Variants in ZMYM4 observed in about 807,000 individuals in gnomAD.
ZMYM4 encodes zinc finger MYM-type containing 4.
ZMYM4 carries 31 observed loss-of-function variants against 183.2 expected under a neutral mutation model. The observed-to-expected ratio is 0.17, with a 90% CI of 0.13 to 0.23. The LOEUF is 0.23. Among genes scored for constraint, ZMYM4 ranks in the 10% least tolerant of loss-of-function variants. The pLI is 1.00. For synonymous variants in ZMYM4, 592 were observed against 631.2 expected, an observed-to-expected ratio of 0.94 and a Z score of 0.93; for missense variants, 1,273 against 1,840.3, an observed-to-expected ratio of 0.69 and a Z score of 5.64.
intron 23 of ZMYM4, among the ~76,000 whole-genome samples, chr1:35,403,297 C>T (rs1644944322): frequency 6.6e-6 from 1 of 151,686 alleles, no homozygotes; most frequent in Non-Finnish European, 1.5e-5. Context: ...TGTTGTTGTT[C>T]TGTTTTGAGA....
At chr1:35,304,886 C>T (rs1395913940) in intron 1 of ZMYM4, among the ~76,000 whole-genome samples, 1 of 151,142 alleles carries the variant, frequency 6.6e-6, no homozygotes, top group Non-Finnish European at 1.5e-5. Flanking sequence ...TTGCTCTGTC[C>T]CCAGGCTGGA....
intron 2 of ZMYM4, among the ~76,000 whole-genome samples, chr1:35,355,048 A>G (rs868415202): frequency 1.3e-4 from 20 of 151,296 alleles, no homozygotes; most frequent in Middle Eastern, 6.8e-3. Context: ...TTTATTTTTT[A>G]TTTTTGAGAC....
chr1:35,407,903 C>T lies in ZMYM4; in HGVS notation c.3797-105C>T, dbSNP rs893214672. On this transcript the variant is annotated intron_variant, in intron 25 of 29. Transcript: ENST00000314607. ...TTTAATCCATATACCCACTAGTCTG[C>T]ACCGCAGTGCCTGGAGCACAGTAGT... 2.8e-6 allele frequency: 4 copies of T among 1,421,822 alleles called. No individual in the cohort carries two copies. The African/African-American group carries it at 5.7e-5, about 20-fold the overall frequency. The allele number at this position is 1,421,822 out of a possible 1,614,324, so 88.1% of individuals were successfully genotyped here. A position where few individuals can be genotyped will look rare whatever the true frequency, so the allele number is the denominator to read the frequency against.
intron 13 of ZMYM4, among the ~76,000 whole-genome samples, chr1:35,387,868 A>C (rs16837316): frequency 6.6e-6 from 1 of 152,136 alleles, no homozygotes; most frequent in South Asian, 2.1e-4. Context: ...TAGGTTCCCC[A>C]TTATTAGGTT....
chr1:35,346,209 T>C (rs974552423), intron 2 of ZMYM4, among the ~76,000 whole-genome samples: 4 of 152,218 alleles, frequency 2.6e-5, no homozygotes, highest in African/African-American at 7.2e-5. Flanking sequence ...TTCTACCTTT[T>C]AGCTATTGTG....
intron 1 of ZMYM4, among the ~76,000 whole-genome samples, chr1:35,318,507 G>A (rs1241445901): frequency 6.6e-6 from 1 of 152,100 alleles, no homozygotes; most frequent in African/African-American, 2.4e-5. Flanking sequence ...ACCCAGGCTG[G>A]AGTACAGTGG....
At chr1:35,319,637 A>G (rs182337273) in intron 1 of ZMYM4, among the ~76,000 whole-genome samples, 449 of 152,252 alleles carry the variant, frequency 2.9e-3, no homozygotes, top group Middle Eastern at 0.024. Context: ...AATTTTTCCA[A>G]AACAAATTTC....
chr1:35,393,450 A>G lies in ZMYM4; in HGVS notation c.2767-145A>G, dbSNP rs546588712. 65 of 675,616 alleles carry G rather than the reference A, an allele frequency of 9.6e-5. No individual in the cohort carries two copies. The South Asian group carries it at 1.9e-3, about 19-fold the overall frequency. 41.9% of individuals were successfully genotyped at this position (675,616 alleles called of 1,614,324 possible). A position where few individuals can be genotyped will look rare whatever the true frequency, so the allele number is the denominator to read the frequency against. ...ACTATTAATATTTTAGGAGTATTGTATTTCTTATACATTTGGTTGAATATT... is the reference window on the plus strand; with the variant it reads ...ACTATTAATATTTTAGGAGTATTGTGTTTCTTATACATTTGGTTGAATATT... On this transcript the variant is annotated intron_variant, in intron 17 of 29. Coordinates refer to ENST00000314607, the MANE Select transcript of ZMYM4 (RefSeq NM_005095.3).
chr1:35,351,981 T>C (rs1310527642), intron 2 of ZMYM4, among the ~76,000 whole-genome samples: 2 of 152,224 alleles, frequency 1.3e-5, no homozygotes, highest in Non-Finnish European at 2.9e-5. Flanking sequence ...TGCATTTTAC[T>C]GATCACAGTC....
At chr1:35,383,779 G>A (rs1053915854) in intron 9 of ZMYM4, among the ~76,000 whole-genome samples, 4 of 152,110 alleles carry the variant, frequency 2.6e-5, no homozygotes, top group Non-Finnish European at 4.4e-5. Flanking sequence ...TATATCTGCT[G>A]TGGTAGAGAA....
At chr1:35,379,504 G>A (rs527426748) in intron 7 of ZMYM4, among the ~76,000 whole-genome samples, 14 of 152,330 alleles carry the variant, frequency 9.2e-5, no homozygotes, top group Admixed American at 2.0e-4. Flanking sequence ...CCAAAGTGCT[G>A]GCATTACAGG....
chr1:35,287,589 T>C (rs1299569746), intron 1 of ZMYM4, among the ~76,000 whole-genome samples: 3 of 151,926 alleles, frequency 2.0e-5, no homozygotes, highest in African/African-American at 7.3e-5. Context: ...TTCCTATTTA[T>C]TTTATTTTTA....
chr1:35,300,345 C>A (rs1485395485), intron 1 of ZMYM4, among the ~76,000 whole-genome samples: 1 of 152,148 alleles, frequency 6.6e-6, no homozygotes, highest in South Asian at 2.1e-4. Context: ...TTTCCCCCAG[C>A]TGCATTTAAG....
chr1:35,351,005 T>G (rs899899298), intron 2 of ZMYM4: 2 of 865,274 alleles, frequency 2.3e-6, no homozygotes, highest in Non-Finnish European at 3.7e-6. Flanking sequence ...CAAATTATGC[T>G]GCAGCGCATT....
At chr1:35,392,166 C>T (rs749008731) in intron 15 of ZMYM4, 46 bp from the exon 16 acceptor site, 1 of 1,610,692 alleles carries the variant, frequency 6.2e-7, no homozygotes, top group South Asian at 1.1e-5. Flanking sequence ...TGTGTAAGTA[C>T]ATATAAATCA....
At chr1:35,408,204 G>T in intron 26 of ZMYM4, 45 bp downstream of exon 26, 2 of 1,607,452 alleles carry the variant, frequency 1.2e-6, no homozygotes, top group Non-Finnish European at 1.7e-6. Context: ...CAAATCCATT[G>T]ACCAGAATAT....
intron 7 of ZMYM4, among the ~76,000 whole-genome samples, chr1:35,377,393 G>C (rs1290601687): frequency 6.6e-6 from 1 of 152,196 alleles, no homozygotes; most frequent in African/African-American, 2.4e-5. Flanking sequence ...AAGGTATGGA[G>C]TTATGTATTA....
At chr1:35,351,433 T>C in intron 2 of ZMYM4, 2 of 1,576,330 alleles carry the variant, frequency 1.3e-6, no homozygotes, top group Non-Finnish European at 1.7e-6. Context: ...ATGGAGGAGA[T>C]GTATAAGAAA....
chr1:35,294,731 A>C (rs1476514345), intron 1 of ZMYM4, among the ~76,000 whole-genome samples: 2 of 152,338 alleles, frequency 1.3e-5, no homozygotes, highest in African/African-American at 4.8e-5. Flanking sequence ...GAAACTATTA[A>C]AGTACTGAAA....
Sources: gnomAD v4.1 joint callset for allele counts (sites outside exome capture counted in the v4.1 genomes callset) on GRCh38, gnomAD v4.1.1 for gene constraint, MANE v1.5 for transcripts, NCBI Gene and HGNC (gene_info 2026-07-23, HGNC 2026-07-21) for gene names.